The following LPP variants were observed in gnomAD, a reference collection of about 807,000 sequenced individuals.
LPP encodes lipoma-preferred partner.
LPP carries 38 observed loss-of-function variants against 60.4 expected under a neutral mutation model. That is an observed-to-expected ratio of 0.63 (90% CI 0.49 to 0.83). The LOEUF (loss-of-function observed/expected upper bound fraction) is 0.83. LPP is among the 40% of genes least tolerant of loss of function. LPP has a pLI of 0.00. For missense variants in LPP, 902 were observed against 783.6 expected (o/e 1.15, Z -1.80); for synonymous variants, 328 against 290.8 (o/e 1.13, Z -1.30).
chr3:188,789,520 T>A (rs929860535), intron 9 of LPP, among the ~76,000 whole-genome samples: 2 of 152,236 alleles, frequency 1.3e-5, no homozygotes, highest in African/African-American at 2.4e-5. Flanking sequence ...ATGCATGTAC[T>A]ATGATTCAAA....
intron 2 of LPP, among the ~76,000 whole-genome samples, chr3:188,292,383 A>G (rs1162455139): frequency 6.6e-6 from 1 of 152,244 alleles, no homozygotes; most frequent in Non-Finnish European, 1.5e-5. Flanking sequence ...CATGAGTTGG[A>G]TCTAAGGTGG....
chr3:188,655,903 C>G (rs779281425), intron 7 of LPP, among the ~76,000 whole-genome samples: 9 of 152,000 alleles, frequency 5.9e-5, no homozygotes, highest in Non-Finnish European at 1.0e-4. Context: ...TAAAAAAACA[C>G]TTTGGGCCAG....
intron 1 of LPP, among the ~76,000 whole-genome samples, chr3:188,213,877 G>A (rs891509464): frequency 6.6e-6 from 1 of 151,558 alleles, no homozygotes; most frequent in African/African-American, 2.4e-5. Context: ...TCCCATCTGA[G>A]CCTCTACCAC....
chr3:188,607,412 TATATAA>T (rs1308302597), intron 6 of LPP, among the ~76,000 whole-genome samples: 1,954 of 55,720 alleles, frequency 0.035, 80 homozygotes, highest in Non-Finnish European at 0.062. Flanking sequence ...TATATATATA[TATATAA>T]TTTTTTTTTC....
At chr3:188,187,770 T>C (rs972912340) in intron 1 of LPP, among the ~76,000 whole-genome samples, 4 of 152,168 alleles carry the variant, frequency 2.6e-5, no homozygotes, top group African/African-American at 9.6e-5. Flanking sequence ...TTCCAGGCTT[T>C]CATGGAGGCA....
chr3:188,529,168 T>C (rs1821474527), intron 6 of LPP, among the ~76,000 whole-genome samples: 2 of 152,224 alleles, frequency 1.3e-5, no homozygotes, highest in Non-Finnish European at 2.9e-5. Context: ...AACATAATTA[T>C]AGGCTGTGAG....
At chr3:188,437,388 A>G (rs1017911716) in intron 4 of LPP, among the ~76,000 whole-genome samples, 3 of 152,252 alleles carry the variant, frequency 2.0e-5, no homozygotes, top group African/African-American at 7.2e-5. Flanking sequence ...TTTCAATCAC[A>G]TAAATCCTTC....
intron 7 of LPP, among the ~76,000 whole-genome samples, chr3:188,630,980 A>G (rs1327921629): frequency 2.0e-5 from 3 of 152,236 alleles, no homozygotes; most frequent in African/African-American, 7.2e-5. Flanking sequence ...CTGAATACAC[A>G]TGGTCACCAA....
At chr3:188,748,219 C>T (rs1726908003) in intron 8 of LPP, among the ~76,000 whole-genome samples, 1 of 152,048 alleles carries the variant, frequency 6.6e-6, no homozygotes, top group South Asian at 2.1e-4. Flanking sequence ...ACTTATTTTA[C>T]TGGCAGGATA....
intron 8 of LPP, among the ~76,000 whole-genome samples, chr3:188,736,402 G>A (rs1196052360): frequency 6.6e-6 from 1 of 151,996 alleles, no homozygotes; most frequent in East Asian, 1.9e-4. Context: ...TAATTCTTAA[G>A]TAGATAAATA....
chr3:188,196,116 T>A (rs557807871), intron 1 of LPP, among the ~76,000 whole-genome samples: 1 of 152,222 alleles, frequency 6.6e-6, no homozygotes, highest in South Asian at 2.1e-4. Context: ...TGTCTCTGGA[T>A]GTTTTGTTAT....
At chr3:188,224,301 A>G (rs1193968043) in intron 1 of LPP, among the ~76,000 whole-genome samples, 4 of 152,208 alleles carry the variant, frequency 2.6e-5, no homozygotes, top group Non-Finnish European at 5.9e-5. Flanking sequence ...ACACAAAACA[A>G]TTGTATGATT....
intron 8 of LPP, among the ~76,000 whole-genome samples, chr3:188,727,799 A>G (rs954325404): frequency 6.6e-6 from 1 of 152,182 alleles, no homozygotes; most frequent in Non-Finnish European, 1.5e-5. Flanking sequence ...AGTCTTAGGC[A>G]GTTCAGTACC....
intron 2 of LPP, among the ~76,000 whole-genome samples, chr3:188,259,417 C>T (rs1360304174): frequency 6.6e-6 from 1 of 152,150 alleles, no homozygotes; most frequent in South Asian, 2.1e-4. Flanking sequence ...GGGATCTGCC[C>T]GATCCTGCTG....
rs144594736 is a variant in LPP at position 188,777,569 on chromosome 3, T to C, written c.1410+17287T>C. Among the ~76,000 whole-genome samples, 338 of 152,294 alleles carry C rather than the reference T, an allele frequency of 2.2e-3. 1 individual carries two copies. Among genetic ancestry groups the C allele is most frequent in the African/African-American group, 7.8e-3 (323 of 41,564 alleles). The stretch of plus-strand genomic sequence containing the variant: ...ATTGGATGGACAGGGTAGCAAAAGA[T>C]TGAGGAGCTAATTTTGCTGCTGTTT... On this transcript the variant is annotated intron_variant, in intron 9 of 11. Transcript: ENST00000617246.
intron 9 of LPP, among the ~76,000 whole-genome samples, chr3:188,829,124 T>C (rs917732865): frequency 1.3e-5 from 2 of 152,194 alleles, no homozygotes; most frequent in Non-Finnish European, 2.9e-5. Context: ...ATACTGTTCT[T>C]CTAAGCACAA....
At chr3:188,552,596 G>A (rs1367139754) in intron 6 of LPP, among the ~76,000 whole-genome samples, 3 of 152,102 alleles carry the variant, frequency 2.0e-5, no homozygotes, top group African/African-American at 4.8e-5. Flanking sequence ...CTTTCTGGAG[G>A]CTCTAGTCAT....
intron 1 of LPP, among the ~76,000 whole-genome samples, chr3:188,190,471 T>C (rs1710997): frequency 0.65 from 99,529 of 151,986 alleles, 33,967 homozygotes; most frequent in East Asian, 0.9. Flanking sequence ...TCTGACTCCA[T>C]GTCGCCTCTT....
chr3:188,417,292 C>A (rs892683922), intron 4 of LPP, among the ~76,000 whole-genome samples: 1 of 151,898 alleles, frequency 6.6e-6, no homozygotes, highest in Admixed American at 6.6e-5. Context: ...AAATTTAGTG[C>A]CGTAATATAA....
Sources: gnomAD v4.1 joint callset for allele counts (sites outside exome capture counted in the v4.1 genomes callset) on GRCh38, gnomAD v4.1.1 for gene constraint, MANE v1.5 for transcripts, NCBI Gene and HGNC (gene_info 2026-07-23, HGNC 2026-07-21) for gene names.